ADD3: variants seen among roughly 807,000 people sequenced by gnomAD.
ADD3 encodes the protein adducin 3.
In ADD3, 25 loss-of-function variants were observed where a neutral mutation model predicts 80.2. The observed-to-expected ratio is 0.31, with a 90% CI of 0.23 to 0.44. The LOEUF (loss-of-function observed/expected upper bound fraction) is 0.44. ADD3 is among the 20% of genes least tolerant of loss of function. The pLI is 1.00. For synonymous variants in ADD3, 284 were observed against 289.6 expected, an observed-to-expected ratio of 0.98 and a Z score of 0.20; for missense variants, 829 against 847.5, an observed-to-expected ratio of 0.98 and a Z score of 0.27.
chr10:110,045,948 A>G (rs1339089477), intron 1 of ADD3, among the ~76,000 whole-genome samples: 3 of 152,236 alleles, frequency 2.0e-5, no homozygotes, highest in African/African-American at 4.8e-5. Flanking sequence ...TGAACAGTTC[A>G]TCCTTCCAGT....
intron 1 of ADD3, among the ~76,000 whole-genome samples, chr10:110,092,756 T>C (rs895779239): frequency 1.3e-5 from 2 of 152,126 alleles, no homozygotes; most frequent in Non-Finnish European, 2.9e-5. Flanking sequence ...TTGTATACTT[T>C]AAATAAATAT....
chr10:110,113,245 C>T lies in ADD3; in HGVS notation c.334+330C>T, dbSNP rs7913243. On this transcript the variant is annotated intron_variant, in intron 3 of 14. Transcript: ENST00000356080. Reference sequence around the variant, plus strand: ...CTAGCAAACAAAGTGAAAACCTTGTCTCTATTTTTGTTTTTTTGTTGTTGT... The same window carrying T: ...CTAGCAAACAAAGTGAAAACCTTGTTTCTATTTTTGTTTTTTTGTTGTTGT... Among the ~76,000 whole-genome samples, 711 of 152,088 alleles carry T rather than the reference C, an allele frequency of 4.7e-3. 10 individuals are homozygous for T. Among genetic ancestry groups the T allele is most frequent in the African/African-American group, 0.016 (657 of 41,486 alleles).
intron 2 of ADD3, among the ~76,000 whole-genome samples, chr10:110,102,444 G>T (rs994664234): frequency 1.3e-5 from 2 of 152,034 alleles, no homozygotes; most frequent in African/African-American, 4.8e-5. Context: ...CCCAGTCTTT[G>T]CAAGAAATTA....
At chr10:110,001,103 A>C (rs1851475470), upstream of ADD3, among the ~76,000 whole-genome samples, 1 of 152,166 alleles carries the variant, frequency 6.6e-6, no homozygotes, top group South Asian at 2.1e-4. Flanking sequence ...AATGTCAAAC[A>C]GGTATTATCT....
At chr10:110,072,332 TG>T (rs1456447818) in intron 1 of ADD3, among the ~76,000 whole-genome samples, 1 of 152,240 alleles carries the variant, frequency 6.6e-6, no homozygotes, top group Non-Finnish European at 1.5e-5. Context: ...CCCAAAGTGC[TG>T]GGATTACAGG....
chr10:110,003,457 T>C (rs1851528416), upstream of ADD3, among the ~76,000 whole-genome samples: 1 of 152,122 alleles, frequency 6.6e-6, no homozygotes, highest in African/African-American at 2.4e-5. Context: ...TTGCCTATAA[T>C]AATACCTTAT....
chr10:110,059,120 AT>A (rs1335195775), intron 1 of ADD3, among the ~76,000 whole-genome samples: 1 of 152,102 alleles, frequency 6.6e-6, no homozygotes, highest in Non-Finnish European at 1.5e-5. Context: ...AGGAAATTCT[AT>A]TTTTTTAAAT....
At chr10:110,072,269 G>C (rs1347561650) in intron 1 of ADD3, among the ~76,000 whole-genome samples, 1 of 152,136 alleles carries the variant, frequency 6.6e-6, no homozygotes, top group Non-Finnish European at 1.5e-5. Context: ...GTTTCACCAT[G>C]TTAGCCAGGA....
At chr10:110,072,708 C>A (rs1314998007) in intron 1 of ADD3, among the ~76,000 whole-genome samples, 2 of 152,198 alleles carry the variant, frequency 1.3e-5, no homozygotes, top group Non-Finnish European at 2.9e-5. Context: ...AGCATGAACA[C>A]CATGGTCAGC....
chr10:110,057,515 T>G (rs1203931586), intron 1 of ADD3, among the ~76,000 whole-genome samples: 1 of 152,120 alleles, frequency 6.6e-6, no homozygotes, highest in Non-Finnish European at 1.5e-5. Flanking sequence ...TTCTTTGGAG[T>G]CACTTGGTGC....
intron 1 of ADD3, among the ~76,000 whole-genome samples, chr10:110,018,627 T>G (rs1280615317): frequency 1.3e-5 from 2 of 151,530 alleles, no homozygotes; most frequent in African/African-American, 4.9e-5. Context: ...TAAGATTTCA[T>G]TAAGTGGAGA....
chr10:110,035,848 G>A (rs1172101873), intron 1 of ADD3, among the ~76,000 whole-genome samples: 3 of 152,038 alleles, frequency 2.0e-5, no homozygotes, highest in Admixed American at 6.6e-5. Flanking sequence ...TGCCACCACT[G>A]TCCCCATCGA....
intron 1 of ADD3, among the ~76,000 whole-genome samples, chr10:110,046,405 C>T (rs2133349010): frequency 6.8e-6 from 1 of 148,020 alleles, no homozygotes; most frequent in East Asian, 2.0e-4. Context: ...GGGGATAGTC[C>T]AAAGTTATAC....
At chr10:110,054,395 A>G (rs1269413096) in intron 1 of ADD3, among the ~76,000 whole-genome samples, 2 of 151,104 alleles carry the variant, frequency 1.3e-5, no homozygotes, top group African/African-American at 2.4e-5. Flanking sequence ...ATCTGGGACT[A>G]TCACTCAACT....
At chr10:110,052,081 G>A (rs1783519949) in intron 1 of ADD3, among the ~76,000 whole-genome samples, 1 of 152,200 alleles carries the variant, frequency 6.6e-6, no homozygotes, top group South Asian at 2.1e-4. Context: ...TTACAGGTGT[G>A]AGCCTTCATG....
upstream of ADD3, among the ~76,000 whole-genome samples, chr10:110,003,194 G>A (rs926793176): frequency 4.6e-5 from 7 of 152,122 alleles, no homozygotes; most frequent in African/African-American, 1.7e-4. Context: ...GGGATAGGGA[G>A]AGGATTCTAT....
intron 1 of ADD3, among the ~76,000 whole-genome samples, chr10:110,015,863 A>G (rs777877448): frequency 5.3e-5 from 8 of 152,232 alleles, no homozygotes; most frequent in Non-Finnish European, 7.3e-5. Flanking sequence ...CACTAGCCAC[A>G]GAAAGGCTGT....
chr10:110,115,389 C>CA (rs140714930), intron 3 of ADD3, among the ~76,000 whole-genome samples: 14,290 of 148,402 alleles, frequency 0.096, 2,208 homozygotes, highest in African/African-American at 0.33. Flanking sequence ...AACTCCGTCT[C>CA]AAAAAAAAAC....
intron 1 of ADD3, among the ~76,000 whole-genome samples, chr10:110,087,381 C>T (rs1056515828): frequency 2.0e-5 from 3 of 152,086 alleles, no homozygotes; most frequent in Admixed American, 1.3e-4. Flanking sequence ...AAATATATTC[C>T]GTAGTATTTT....
Sources: gnomAD v4.1 joint callset for allele counts (sites outside exome capture counted in the v4.1 genomes callset) on GRCh38, gnomAD v4.1.1 for gene constraint, MANE v1.5 for transcripts, NCBI Gene and HGNC (gene_info 2026-07-23, HGNC 2026-07-21) for gene names.